Variants in NCOR2 observed in about 807,000 individuals in gnomAD.
The protein encoded by NCOR2 is CTG repeat protein 26.
A neutral mutation model predicts 262.9 loss-of-function variants in NCOR2; 81 were observed. The ratio of observed to expected loss-of-function variants is 0.31; its 90% confidence interval spans 0.26 to 0.37. The LOEUF is 0.37. Ranked by LOEUF, NCOR2 falls within the 10% of genes least tolerant of loss-of-function variation. NCOR2 has a pLI of 1.00. For synonymous variants in NCOR2, 1,659 were observed against 1,559.3 expected, an observed-to-expected ratio of 1.06 and a Z score of -1.51; for missense variants, 3,385 against 3,621.4, an observed-to-expected ratio of 0.93 and a Z score of 1.68.
chr12:124,477,998 C>A (rs754750049), intron 3 of NCOR2, among the ~76,000 whole-genome samples: 11 of 152,236 alleles, frequency 7.2e-5, no homozygotes, highest in Non-Finnish European at 1.6e-4. Context: ...TCCCAATACA[C>A]CCCCTACTCC....
At chr12:124,396,499 CCCCAGGCCCTACCAGCTGGATACAGTG>C (rs575863576) in intron 16 of NCOR2, among the ~76,000 whole-genome samples, 4,119 of 152,150 alleles carry the variant, frequency 0.027, 79 homozygotes, top group African/African-American at 0.058. Context: ...CTGACAGCAG[CCCCAGGCCCTACCAGCTGGATACAGTG>C]CCCAGGCCCT....
intron 1 of NCOR2, among the ~76,000 whole-genome samples, chr12:124,545,524 GC>G (rs1212060815): frequency 6.6e-6 from 1 of 152,104 alleles, no homozygotes; most frequent in Non-Finnish European, 1.5e-5. Context: ...GACCCTCGAA[GC>G]CCCCACCACA....
chr12:124,345,110 A>G (rs540355926), intron 31 of NCOR2, among the ~76,000 whole-genome samples, 159 bp from the exon 34 acceptor site: 1 of 152,254 alleles, frequency 6.6e-6, no homozygotes, highest in East Asian at 1.9e-4. Flanking sequence ...TAACCCTGAG[A>G]TGGCACACTT....
intron 1 of NCOR2, among the ~76,000 whole-genome samples, chr12:124,534,455 C>T (rs1411667162): frequency 2.4e-5 from 3 of 123,730 alleles, no homozygotes; most frequent in Non-Finnish European, 5.4e-5. Flanking sequence ...GACTCTGTCT[C>T]GAAAAAAAAA....
exon 31 of NCOR2, chr12:124,346,741 G>C: frequency 7.1e-6 from 11 of 1,560,192 alleles, no homozygotes; most frequent in Non-Finnish European, 9.5e-6. Context: ...TGTAGGCCTC[G>C]GTCAGGTCCC....
rs117965788 is a variant in NCOR2, at chr12:124,359,692, C to A, written c.3100+2434G>T. On this transcript the variant is annotated intron_variant, in intron 22 of 46. Transcript: ENST00000405201. ...AGAGTTGGGAGAGAGAGGAGGGGAG[C>A]TGTTCGATGCTGGAAGGCAAACTGG... Among the ~76,000 whole-genome samples the A allele has an allele frequency of 9.1e-3, 1,384 of 152,342 alleles. 7 individuals are homozygous for A. The highest frequency in any genetic ancestry group is 0.014 in the Non-Finnish European group (920 of 68,022).
rs1370296303 is a variant in NCOR2, at chr12:124,560,053, C to G, written c.-165+7255G>C. ...CAGCGTAACTCAGCAAGAACAGGAG[C>G]CCAGGCTAGAAGGAGGGGTTTTAGG... is the stretch of plus-strand genomic sequence containing the variant. On this transcript the variant is annotated intron_variant, in intron 1 of 32. Coordinates refer to the NCOR2 transcript ENST00000458234. 2.0e-5 allele frequency among the ~76,000 whole-genome samples: 3 copies of G among 152,192 alleles called. No homozygotes were observed. In the East Asian group the frequency reaches 5.8e-4, roughly 29 times the overall value.
intron 37 of NCOR2, among the ~76,000 whole-genome samples, chr12:124,338,469 C>T (rs2036082475): frequency 4.0e-5 from 6 of 148,370 alleles, no homozygotes; most frequent in African/African-American, 1.3e-4. Context: ...GATCGTACCA[C>T]TGCACTCCAG....
chr12:124,402,337 C>G (rs1381017564), intron 14 of NCOR2, 67 bp downstream of exon 16: 10 of 1,599,416 alleles, frequency 6.3e-6, no homozygotes, highest in African/African-American at 1.3e-5. Flanking sequence ...AAAGGGTCCC[C>G]CAGAACCGTG....
At chr12:124,385,665 G>A in intron 17 of NCOR2, 80 bp downstream of exon 19, 2 of 1,562,580 alleles carry the variant, frequency 1.3e-6, no homozygotes. Context: ...GCCTCCTGGG[G>A]TGCAGAGACA....
chr12:124,341,968 G>C (rs1233719126), exon 34 of NCOR2: 2 of 1,613,338 alleles, frequency 1.2e-6, no homozygotes, highest in Non-Finnish European at 1.7e-6. Context: ...TGGTCTGCCG[G>C]TTCTCCAGCG....
chr12:124,495,364 G>C, upstream of NCOR2: 1 of 1,442,074 alleles, frequency 6.9e-7, no homozygotes, highest in South Asian at 1.4e-5. This position sits in a 1 kb window ranked among gnomAD's most constrained non-coding sequence, Gnocchi z 4.4. Flanking sequence ...CCCCGTCACT[G>C]GCACCTGCGG....
At chr12:124,333,512 C>A (rs963658156) in intron 41 of NCOR2, among the ~76,000 whole-genome samples, 1 of 151,948 alleles carries the variant, frequency 6.6e-6, no homozygotes, top group African/African-American at 2.4e-5. Context: ...ATGAATTGTA[C>A]AAACAGAGGG....
intron 37 of NCOR2, among the ~76,000 whole-genome samples, chr12:124,339,176 C>G (rs1398047420): frequency 7.0e-6 from 1 of 142,054 alleles, no homozygotes; most frequent in Non-Finnish European, 1.5e-5. Context: ...AGCCATCTAT[C>G]CTCTTACCCA....
intron 20 of NCOR2, among the ~76,000 whole-genome samples, chr12:124,366,104 T>C (rs1359340781): frequency 6.6e-6 from 1 of 151,920 alleles, no homozygotes; most frequent in East Asian, 1.9e-4. Context: ...ACCAGGCAAA[T>C]GAGAGCAAAT....
At chr12:124,467,913 ACCCTCATCCTTATCACCC>A (rs1448634876) in intron 4 of NCOR2, among the ~76,000 whole-genome samples, 18 of 15,202 alleles carry the variant, frequency 1.2e-3, no homozygotes, top group Admixed American at 2.2e-3. Flanking sequence ...CATCCTCATC[ACCCTCATCCTTATCACCC>A]CCCTCATCCT....
rs763130389 is a variant in NCOR2 at position 124,398,180 on chromosome 12, G to A, written c.1815C>T (p.Ala605=). 12 of 1,614,198 alleles carry A rather than the reference G, an allele frequency of 7.4e-6. No homozygotes were observed. In the East Asian group the frequency reaches 1.8e-4, roughly 24 times the overall value. The stretch of plus-strand genomic sequence containing the variant: ...GAGAACTCTCATTCAGCTCCATGGA[G>A]GCTGAAAAGAAGATGCCAGGTTATT... The change falls in exon 16 of 47, where the codon GCC becomes GCT. Residue 605 remains alanine (A), a splice_region_variant and synonymous_variant. Transcript: ENST00000405201.
rs1216684630 is a variant in NCOR2, at chr12:124,339,784, T to C, written c.5687+222A>G. On this transcript the variant is annotated intron_variant, in intron 37 of 46. Coordinates refer to ENST00000405201, the Ensembl canonical transcript of NCOR2. ...GACCACCCCCCCATCCATCCATCCATCCACCCACGCAGCTAACCTAACTTC... is the reference window on the plus strand; with the variant it reads ...GACCACCCCCCCATCCATCCATCCACCCACCCACGCAGCTAACCTAACTTC... 2.2e-3 allele frequency among the ~76,000 whole-genome samples: 203 copies of C among 91,544 alleles called. 2 individuals carry two copies. Among genetic ancestry groups the C allele is most frequent in the African/African-American group, 8.7e-3 (192 of 22,164 alleles). 60.1% of individuals were successfully genotyped at this position (91,544 alleles called of 152,430 possible).
chr12:124,378,504 G>A lies in NCOR2; in HGVS notation c.2020-120C>T, dbSNP rs1326134105. On this transcript the variant is annotated intron_variant, in intron 17 of 46. Transcript: ENST00000405201. This position sits in a 1 kb window ranked among gnomAD's most constrained non-coding sequence, Gnocchi z 4.2. The stretch of plus-strand genomic sequence containing the variant: ...AGTGATCCCGGCCATGTAGCAATGA[G>A]GGTGACCGTCCCCCTCACACCCCAC... The A allele has an allele frequency of 3.8e-6, 4 of 1,053,162 alleles. No homozygotes were observed. The highest frequency in any genetic ancestry group is 5.3e-6 in the Non-Finnish European group (4 of 749,372). 65.2% of individuals were successfully genotyped at this position (1,053,162 alleles called of 1,614,324 possible).
Sources: gnomAD v4.1 joint callset for allele counts (sites outside exome capture counted in the v4.1 genomes callset) on GRCh38, gnomAD v4.1.1 for gene constraint, Gnocchi (gnomAD v3.1) non-coding constraint, MANE v1.5 for transcripts, NCBI Gene and HGNC (gene_info 2026-07-23, HGNC 2026-07-21) for gene names.